The following CIMAP1D variants were observed in gnomAD, a reference collection of about 807,000 sequenced individuals.
CIMAP1D encodes protein CIMAP1D.
the CIMAP1D span, among the ~76,000 whole-genome samples, chr19:471,043 T>C: frequency 6.6e-6 from 1 of 152,156 alleles, no homozygotes; most frequent in African/African-American, 2.4e-5. Context: ...CCCACCTTCA[T>C]GGTGGAGAAA....
At chr19:491,572 C>A in the CIMAP1D span, among the ~76,000 whole-genome samples, 17,784 of 148,856 alleles carry the variant, frequency 0.12, 2,504 homozygotes, top group African/African-American at 0.33. Flanking sequence ...AGCACCAAGG[C>A]GTCAGAGCAG....
the CIMAP1D span, among the ~76,000 whole-genome samples, chr19:484,407 C>T: frequency 2.0e-5 from 3 of 152,142 alleles, no homozygotes; most frequent in Admixed American, 1.3e-4. Context: ...TCCTAAAGTG[C>T]TGGGATTACA....
the CIMAP1D span, among the ~76,000 whole-genome samples, chr19:468,229 G>A: frequency 6.6e-6 from 1 of 152,142 alleles, no homozygotes; most frequent in Non-Finnish European, 1.5e-5. Context: ...AGCCAGACAT[G>A]TTGACATGCA....
chr19:483,913 G>A, the CIMAP1D span, among the ~76,000 whole-genome samples: 3 of 152,122 alleles, frequency 2.0e-5, no homozygotes, highest in African/African-American at 7.2e-5. Flanking sequence ...GGCACGGGAA[G>A]GGGACGGTGC....
At chr19:486,320 C>T in the CIMAP1D span, among the ~76,000 whole-genome samples, 1 of 152,186 alleles carries the variant, frequency 6.6e-6, no homozygotes, top group African/African-American at 2.4e-5. Context: ...TCAGCCTCTG[C>T]ACTCACCGTA....
chr19:465,774 T>G, the CIMAP1D span, among the ~76,000 whole-genome samples: 63 of 131,540 alleles, frequency 4.8e-4, 1 homozygote, highest in South Asian at 0.015. Flanking sequence ...GATGGGTGGG[T>G]GGGTGGATAG....
the CIMAP1D span, among the ~76,000 whole-genome samples, chr19:465,572 T>C: frequency 7.7e-6 from 1 of 129,808 alleles, no homozygotes; most frequent in African/African-American, 3.1e-5. Context: ...AGTGGATAGG[T>C]AGATGGGCAG....
At chr19:464,257 G>A in the CIMAP1D span, 3 of 1,536,010 alleles carry the variant, frequency 2.0e-6, no homozygotes, top group Non-Finnish European at 2.6e-6. Flanking sequence ...GTGTCCAGGG[G>A]CTTCAGGGGG....
the CIMAP1D span, among the ~76,000 whole-genome samples, chr19:471,743 T>A: frequency 2.7e-5 from 4 of 147,166 alleles, no homozygotes; most frequent in African/African-American, 7.5e-5. Flanking sequence ...TTGTTAACTT[T>A]TTTTTTTTTT....
At chr19:465,392 T>G in the CIMAP1D span, among the ~76,000 whole-genome samples, 1 of 119,206 alleles carries the variant, frequency 8.4e-6, no homozygotes, top group African/African-American at 3.2e-5. Context: ...TGTGGTTGGA[T>G]GGGCGGGTGG....
chr19:490,932 C>T, the CIMAP1D span, among the ~76,000 whole-genome samples: 4,422 of 152,274 alleles, frequency 0.029, 228 homozygotes, highest in East Asian at 0.21. Context: ...AACCCTGTCT[C>T]TACTAAAAAT....
chr19:480,402 G>A, the CIMAP1D span, among the ~76,000 whole-genome samples: 1 of 152,226 alleles, frequency 6.6e-6, no homozygotes, highest in Non-Finnish European at 1.5e-5. Context: ...CCGGGAGAGG[G>A]CGTCACATGC....
the CIMAP1D span, among the ~76,000 whole-genome samples, chr19:477,547 G>A: frequency 2.0e-5 from 3 of 151,638 alleles, no homozygotes; most frequent in African/African-American, 4.9e-5. Flanking sequence ...GGATCACACC[G>A]CTGCACTCCA....
chr19:482,598 CG>C, the CIMAP1D span, among the ~76,000 whole-genome samples: 39,245 of 152,012 alleles, frequency 0.26, 5,092 homozygotes, highest in East Asian at 0.28. Context: ...AGGGTGAGAT[CG>C]GCAGGGCGTC....
chr19:475,077 C>G, the CIMAP1D span: 1 of 261,218 alleles, frequency 3.8e-6, no homozygotes, highest in Non-Finnish European at 7.2e-6. Flanking sequence ...GGGGCCAGGG[C>G]CGGCCCCAGG....
the CIMAP1D span, among the ~76,000 whole-genome samples, chr19:469,220 A>AATT: frequency 3.4e-5 from 5 of 147,336 alleles, no homozygotes; most frequent in East Asian, 2.1e-4. Context: ...GGCTGGGGAG[A>AATT]TTCTTTTTTT....
At chr19:464,827 G>A in the CIMAP1D span, among the ~76,000 whole-genome samples, 1 of 152,226 alleles carries the variant, frequency 6.6e-6, no homozygotes, top group South Asian at 2.1e-4. Context: ...TAGGTAGGAG[G>A]TGAGTGGTTG....
At chr19:472,508 CCCAAAGCCCTCAGGTCACCT>C in the CIMAP1D span, 1 of 1,536,336 alleles carries the variant, frequency 6.5e-7, no homozygotes, top group Non-Finnish European at 8.8e-7. Flanking sequence ...GAGCCTGCAG[CCCAAAGCCCTCAGGTCACCT>C]CCTGGGCCCA....
chr19:471,187 C>T, the CIMAP1D span, among the ~76,000 whole-genome samples: 2 of 152,194 alleles, frequency 1.3e-5, no homozygotes, highest in Admixed American at 6.5e-5. Context: ...CTCGCTCTGT[C>T]GCCCAGGCTG....
Sources: allele counts gnomAD v4.1 joint callset (sites outside exome capture counted in the v4.1 genomes callset), GRCh38; gene constraint gnomAD v4.1.1; transcripts MANE v1.5; gene names NCBI Gene and HGNC (gene_info 2026-07-23, HGNC 2026-07-21).